The following PTH2R variants were observed in gnomAD, a reference collection of about 807,000 sequenced individuals.
PTH2R encodes the protein PTH2 receptor.
Under a neutral mutation model 60.3 loss-of-function variants are expected in PTH2R, and 59 were observed. The observed-to-expected ratio is 0.98, with a 90% CI of 0.79 to 1.22. The LOEUF is 1.22. Among genes scored for constraint, PTH2R ranks in the 50% most tolerant of loss-of-function variants. The pLI is 0.00. For missense variants in PTH2R, 749 were observed against 682.6 expected, an observed-to-expected ratio of 1.10 and a Z score of -1.08; for synonymous variants, 256 against 243.8, an observed-to-expected ratio of 1.05 and a Z score of -0.47.
At chr2:208,429,913 T>C (rs1701936458) in intron 2 of PTH2R, among the ~76,000 whole-genome samples, 1 of 152,206 alleles carries the variant, frequency 6.6e-6, no homozygotes, top group Admixed American at 6.5e-5. Flanking sequence ...TCAACTACAT[T>C]AATTGTAGTT....
At chr2:208,362,326 TA>T (rs1700489948) in intron 1 of PTH2R, among the ~76,000 whole-genome samples, 1 of 152,208 alleles carries the variant, frequency 6.6e-6, no homozygotes, top group African/African-American at 2.4e-5. Flanking sequence ...CTAATTCCCA[TA>T]ATAAATCTCC....
chr2:208,378,247 CCT>C (rs1700846646), intron 1 of PTH2R, among the ~76,000 whole-genome samples: 1 of 105,840 alleles, frequency 9.4e-6, no homozygotes, highest in Admixed American at 1.0e-4. Flanking sequence ...GCGGCGCGCA[CCT>C]GCAATCCCAG....
At chr2:208,375,876 A>G (rs1425570741) in intron 1 of PTH2R, among the ~76,000 whole-genome samples, 1 of 152,068 alleles carries the variant, frequency 6.6e-6, no homozygotes, top group Non-Finnish European at 1.5e-5. Flanking sequence ...AGTAAGAGAG[A>G]GCTGGCTCCA....
chr2:208,413,240 G>A (rs1292254844), intron 1 of PTH2R, among the ~76,000 whole-genome samples: 2 of 152,108 alleles, frequency 1.3e-5, no homozygotes, highest in South Asian at 2.1e-4. Context: ...ATGACAGAGA[G>A]CCACCACTTG....
chr2:208,456,190 C>T (rs981275993), intron 8 of PTH2R, among the ~76,000 whole-genome samples: 7 of 151,486 alleles, frequency 4.6e-5, no homozygotes, highest in Non-Finnish European at 7.4e-5. Context: ...TACAGTGAGC[C>T]GAGATCACGC....
intron 1 of PTH2R, among the ~76,000 whole-genome samples, chr2:208,416,574 C>T (rs1268510200): frequency 4.6e-5 from 7 of 152,090 alleles, no homozygotes; most frequent in South Asian, 4.1e-4. Flanking sequence ...AGCTATCTGC[C>T]GTTCTGTATG....
chr2:208,421,787 T>G (rs1701761288), intron 1 of PTH2R, among the ~76,000 whole-genome samples: 1 of 152,148 alleles, frequency 6.6e-6, no homozygotes, highest in Non-Finnish European at 1.5e-5. Flanking sequence ...AGTAGAAAGT[T>G]CATAAAACTG....
At chr2:208,440,810 T>G (rs1438469888) in intron 4 of PTH2R, among the ~76,000 whole-genome samples, 1 of 152,108 alleles carries the variant, frequency 6.6e-6, no homozygotes, top group African/African-American at 2.4e-5. Context: ...TGCCGTGAGG[T>G]CTTCACCGAG....
At chr2:208,443,924 A>T (rs1273346239) in intron 6 of PTH2R, among the ~76,000 whole-genome samples, 3 of 152,182 alleles carry the variant, frequency 2.0e-5, no homozygotes, top group Admixed American at 2.0e-4. Flanking sequence ...TGAGTACTCG[A>T]AGACTTGTTC....
At chr2:208,448,267 TTTTG>T (rs1215997745) in intron 7 of PTH2R, among the ~76,000 whole-genome samples, 1 of 152,184 alleles carries the variant, frequency 6.6e-6, no homozygotes, top group Non-Finnish European at 1.5e-5. Context: ...CTTTAGGTTA[TTTTG>T]TTTGTTTTCT....
chr2:208,444,731 T>G lies in PTH2R; in HGVS notation c.700-3T>G, dbSNP rs1011140822. 1.9e-6 allele frequency: 3 copies of G among 1,612,724 alleles called. No individual in the cohort carries two copies. Among genetic ancestry groups the G allele is most frequent in the Non-Finnish European group, 2.5e-6 (3 of 1,179,378 alleles). On this transcript the variant is annotated splice_polypyrimidine_tract_variant and splice_region_variant and intron_variant, in intron 6 of 12. Transcript: ENST00000272847. Reference sequence around the variant, plus strand: ...TGATGAAATTCTGGTTTATTTGTAATAGATCGGGTGCAAGATTGCTGTTGT... The same window carrying G: ...TGATGAAATTCTGGTTTATTTGTAAGAGATCGGGTGCAAGATTGCTGTTGT...
upstream of PTH2R, among the ~76,000 whole-genome samples, chr2:208,402,144 A>G (rs879357780): frequency 1.3e-5 from 2 of 152,090 alleles, no homozygotes; most frequent in African/African-American, 2.4e-5. Flanking sequence ...CACATTATAT[A>G]AGTCACCCAG....
At position 208,444,887 on chromosome 2, in the gene PTH2R, G is replaced by A; in HGVS notation, c.853G>A (p.Gly285Arg). Reference protein sequence around the residue: ...YLWGFILIGWGFPAAFVAAWA... With the variant: ...YLWGFILIGWRFPAAFVAAWA... Reference sequence around the variant, plus strand: ...GTGGGGCTTCATCTTGATAGGCTGGGGTAAGACATTTATATCTCTGTTCCT... The same window carrying A: ...GTGGGGCTTCATCTTGATAGGCTGGAGTAAGACATTTATATCTCTGTTCCT... Residue 285 changes from glycine to arginine, a missense_variant and splice_region_variant, in exon 7 of 13, where the codon GGG (glycine) becomes AGG (arginine). Coordinates refer to ENST00000272847, the MANE Select transcript of PTH2R (RefSeq NM_005048.4). 2 of 1,611,590 alleles carry A rather than the reference G, an allele frequency of 1.2e-6. No individual in the cohort carries two copies. Among genetic ancestry groups the A allele is most frequent in the Non-Finnish European group, 8.5e-7 (1 of 1,178,776 alleles).
In PTH2R at chr2:208,493,481, T is replaced by G; in HGVS notation, c.1475T>G (p.Leu492Ter). 6.2e-7 allele frequency: 1 copy of G among 1,612,710 alleles called. No individual in the cohort carries two copies. Among genetic ancestry groups the G allele is most frequent in the South Asian group, 1.1e-5 (1 of 90,836 alleles). Residue 492 changes from leucine (L) to a stop codon, truncating the protein, a stop_gained, in exon 13 of 13, where the codon TTA becomes TGA. Coordinates refer to ENST00000272847, the MANE Select transcript of PTH2R (RefSeq NM_005048.4). LOFTEE classifies it low-confidence loss of function (END_TRUNC). ...ASRQPDSHIT[L>*]PGYVWSNSEQ... is the part of the protein sequence containing the mutation. ...AGACAGCCTGACAGCCACATCACTT[T>G]ACCTGGCTATGTCTGGAGTAACTCA...
In PTH2R at chr2:208,398,801, T is replaced by A. The variant is rs537657343; in HGVS notation, c.-258-29400T>A. ...GTATCTCTTGTGATAACACATATAC[T>A]GGAATTATAAAATTAGACTCTCTTG... On this transcript the variant is annotated intron_variant, in intron 1 of 12. Coordinates refer to the PTH2R transcript ENST00000617735. Among the ~76,000 whole-genome samples, 8 of 152,352 alleles carry A rather than the reference T, an allele frequency of 5.3e-5. No homozygotes were observed. The East Asian group carries it at 1.5e-3, about 29-fold the overall frequency.
intron 1 of PTH2R, among the ~76,000 whole-genome samples, chr2:208,408,493 CT>C (rs1701464750): frequency 6.6e-6 from 1 of 151,550 alleles, no homozygotes; most frequent in African/African-American, 2.4e-5. Context: ...TTCTAGATTA[CT>C]TTTTGTAAGG....
intron 1 of PTH2R, among the ~76,000 whole-genome samples, chr2:208,378,323 G>C (rs1700848454): frequency 6.6e-6 from 1 of 151,666 alleles, no homozygotes; most frequent in Admixed American, 6.6e-5. Context: ...GATGGCAGCA[G>C]TACAGTCCAG....
At chr2:208,386,251 C>T (rs1297306878) in intron 1 of PTH2R, among the ~76,000 whole-genome samples, 1 of 152,184 alleles carries the variant, frequency 6.6e-6, no homozygotes, top group African/African-American at 2.4e-5. Flanking sequence ...TACGTGTATA[C>T]ATCTGTCACT....
At chr2:208,372,055 G>T (rs1219968006) in intron 1 of PTH2R, among the ~76,000 whole-genome samples, 1 of 151,974 alleles carries the variant, frequency 6.6e-6, no homozygotes, top group Non-Finnish European at 1.5e-5. Flanking sequence ...CCGAACAGCT[G>T]GGATTACAGG....
Sources: gnomAD v4.1 joint callset for allele counts (sites outside exome capture counted in the v4.1 genomes callset) on GRCh38, gnomAD v4.1.1 for gene constraint, MANE v1.5 for transcripts, NCBI Gene and HGNC (gene_info 2026-07-23, HGNC 2026-07-21) for gene names.